CREB3L1: variants seen among roughly 807,000 people sequenced by gnomAD.
The protein encoded by CREB3L1 is cAMP responsive element binding protein 3 like 1.
Under a neutral mutation model 54.5 loss-of-function variants are expected in CREB3L1, and 33 were observed. That is an observed-to-expected ratio of 0.61 (90% CI 0.46 to 0.81). CREB3L1 has a LOEUF of 0.81. CREB3L1 is among the 30% of genes least tolerant of loss of function. The probability of loss-of-function intolerance (pLI) is 0.00; values close to 1 mark genes in which losing one functional copy is unlikely to be tolerated. For missense variants in CREB3L1, 656 were observed against 673.3 expected (o/e 0.97, Z 0.29); for synonymous variants, 284 against 286.4 (o/e 0.99, Z 0.08).
At chr11:46,299,702 G>A (rs534270156) in intron 1 of CREB3L1, among the ~76,000 whole-genome samples, 2 of 152,318 alleles carry the variant, frequency 1.3e-5, no homozygotes, top group South Asian at 4.1e-4. Context: ...TGGTGGTAGA[G>A]AGAATGGGAT....
rs367570017 is a variant in CREB3L1 at position 46,300,591 on chromosome 11, G to A, written c.331+428G>A. The stretch of plus-strand genomic sequence containing the variant: ...GTAATTCAATAATAACTGTGGGGCC[G>A]GGTGTGGTGGCTCACGCTTGTAATC... On this transcript the variant is annotated intron_variant, in intron 2 of 11. Coordinates refer to ENST00000621158, the MANE Select transcript of CREB3L1 (RefSeq NM_052854.4). 2.6e-5 allele frequency among the ~76,000 whole-genome samples: 4 copies of A among 152,328 alleles called. No homozygotes were observed. In the East Asian group the frequency reaches 7.7e-4, roughly 29 times the overall value.
At chr11:46,294,445 C>T (rs978128215) in intron 1 of CREB3L1, among the ~76,000 whole-genome samples, 1 of 152,138 alleles carries the variant, frequency 6.6e-6, no homozygotes, top group African/African-American at 2.4e-5. Context: ...CCCTGTCAAC[C>T]GCGCTTCCAT....
chr11:46,308,445 C>T (rs1209646952), intron 3 of CREB3L1, among the ~76,000 whole-genome samples: 4 of 152,284 alleles, frequency 2.6e-5, no homozygotes, highest in African/African-American at 9.6e-5. Context: ...ATTTTTAACC[C>T]ACACTCTCAG....
intron 3 of CREB3L1, among the ~76,000 whole-genome samples, chr11:46,309,273 G>A (rs1939449495): frequency 6.6e-6 from 1 of 152,090 alleles, no homozygotes; most frequent in African/African-American, 2.4e-5. Flanking sequence ...TCTCTCTGGG[G>A]CTGCAGCCCA....
In CREB3L1 at chr11:46,283,818, G is replaced by C. The variant is rs1002635298; in HGVS notation, c.102+5605G>C. On this transcript the variant is annotated intron_variant, in intron 1 of 11. Coordinates refer to ENST00000621158, the MANE Select transcript of CREB3L1 (RefSeq NM_052854.4). Reference sequence around the variant, plus strand: ...TGATCACTTGAGCCCAGGAGTTCAAGGCTGCAGTGAGCTATTATCACGCCA... The same window carrying C: ...TGATCACTTGAGCCCAGGAGTTCAACGCTGCAGTGAGCTATTATCACGCCA... Among the ~76,000 whole-genome samples the C allele has an allele frequency of 5.9e-5, 9 of 152,184 alleles. No individual in the cohort carries two copies. In the South Asian group the frequency reaches 1.7e-3, roughly 28 times the overall value.
intron 1 of CREB3L1, among the ~76,000 whole-genome samples, chr11:46,289,855 C>T (rs957237280): frequency 6.6e-6 from 1 of 152,148 alleles, no homozygotes; most frequent in Non-Finnish European, 1.5e-5. Flanking sequence ...AGGGAGCCAA[C>T]GATAGTTCTG....
intron 2 of CREB3L1, among the ~76,000 whole-genome samples, chr11:46,301,304 C>T (rs1381574484): frequency 6.6e-6 from 1 of 152,144 alleles, no homozygotes; most frequent in Non-Finnish European, 1.5e-5. Flanking sequence ...CGCACCACTG[C>T]ATTCCAACCT....
intron 1 of CREB3L1, among the ~76,000 whole-genome samples, chr11:46,279,856 G>C (rs967511053): frequency 1.3e-5 from 2 of 152,162 alleles, no homozygotes; most frequent in Admixed American, 6.5e-5. Flanking sequence ...GAATGAACTC[G>C]GCCGCCCGAA....
chr11:46,312,447 G>A lies in CREB3L1; in HGVS notation c.876G>A (p.Lys292=). 1 of 1,613,864 alleles carries A rather than the reference G, an allele frequency of 6.2e-7. No homozygotes were observed. Among genetic ancestry groups the A allele is most frequent in the Non-Finnish European group, 8.5e-7 (1 of 1,179,834 alleles). Residue 292 remains lysine (K), a synonymous_variant, in exon 6 of 12, where the codon AAG becomes AAA. Transcript: ENST00000621158. The part of the protein sequence containing the change: ...PLTKAEEKAL[K]RVRRKIKNKI... ...CCAAAGCCGAGGAGAAGGCCTTGAA[G>A]AGAGTCCGGAGGAAAATCAAGAACA...
rs776390325 is a variant in CREB3L1 at position 46,311,057 on chromosome 11, G to GC, written c.627dup (p.Ser210GlnfsTer6). ...AGGACCTGGTGCAGATGCCTCCGAC[G>GC]CCCCCCAGCAGCCATGGCAGTGACA... On this transcript the variant is annotated frameshift_variant, in exon 5 of 12. Transcript: ENST00000621158. LOFTEE classifies it high-confidence loss of function. 3 of 1,605,636 alleles carry GC rather than the reference G, an allele frequency of 1.9e-6. No individual in the cohort carries two copies. Among genetic ancestry groups the GC allele is most frequent in the South Asian group, 1.1e-5 (1 of 90,254 alleles).
intron 8 of CREB3L1, 200 bp from the exon 9 acceptor site, chr11:46,316,086 C>G: frequency 2.0e-6 from 1 of 506,354 alleles, no homozygotes; most frequent in South Asian, 2.7e-5. Flanking sequence ...ACAAGGTGAC[C>G]CAGCCAGTCA....
At chr11:46,282,140 GATGA>G (rs1590336632) in intron 1 of CREB3L1, among the ~76,000 whole-genome samples, 1 of 152,144 alleles carries the variant, frequency 6.6e-6, no homozygotes, top group South Asian at 2.1e-4. Context: ...TCGATGGATG[GATGA>G]ATGAATGGAT....
intron 8 of CREB3L1, chr11:46,316,038 C>T (rs1939561678): frequency 2.4e-6 from 1 of 420,686 alleles, no homozygotes; most frequent in Non-Finnish European, 4.3e-6. Flanking sequence ...CCTCCAACCC[C>T]CTTGGCCAGG....
intron 1 of CREB3L1, 50 bp from the exon 2 acceptor site, chr11:46,299,885 T>C (rs1590343796): frequency 1.4e-6 from 2 of 1,443,378 alleles, no homozygotes; most frequent in Non-Finnish European, 1.9e-6. Context: ...CTGCACCCCC[T>C]TCCCAAGCAA....
intron 2 of CREB3L1, 51 bp from the exon 3 acceptor site, chr11:46,307,765 G>A (rs1218952263): frequency 2.1e-6 from 3 of 1,426,336 alleles, no homozygotes; most frequent in African/African-American, 1.4e-5. Flanking sequence ...GGGCAGGCAG[G>A]GGGCTGAGAC....
chr11:46,292,996 C>T (rs576384556), intron 1 of CREB3L1, among the ~76,000 whole-genome samples: 6 of 152,294 alleles, frequency 3.9e-5, no homozygotes, highest in Admixed American at 3.3e-4. Context: ...ACTTACCCTT[C>T]ATTGTCACAC....
intron 7 of CREB3L1, 24 bp downstream of exon 7, chr11:46,312,694 C>T (rs1219502569): frequency 5.0e-6 from 8 of 1,596,530 alleles, no homozygotes; most frequent in Non-Finnish European, 6.8e-6. Context: ...GAGGGGTGGG[C>T]AATCCACTCC....
intron 2 of CREB3L1, among the ~76,000 whole-genome samples, chr11:46,300,505 T>C (rs1333188743): frequency 6.6e-6 from 1 of 152,232 alleles, no homozygotes; most frequent in Admixed American, 6.5e-5. Context: ...GGCCCAGCCT[T>C]CCAGGTGATT....
At chr11:46,303,921 T>C (rs1007456712) in intron 2 of CREB3L1, among the ~76,000 whole-genome samples, 1 of 151,624 alleles carries the variant, frequency 6.6e-6, no homozygotes, top group Admixed American at 6.6e-5. Context: ...CAGGAGGATA[T>C]CTTAAGCCCC....
Sources: gnomAD v4.1 joint callset for allele counts (sites outside exome capture counted in the v4.1 genomes callset) on GRCh38, gnomAD v4.1.1 for gene constraint, MANE v1.5 for transcripts, NCBI Gene and HGNC (gene_info 2026-07-23, HGNC 2026-07-21) for gene names.